The following UBA2 variants were observed in gnomAD, a reference collection of about 807,000 sequenced individuals.
The protein encoded by UBA2 is SUMO-activating enzyme subunit 2.
In UBA2, 11 loss-of-function variants were observed where a neutral mutation model predicts 77.2. The observed-to-expected ratio is 0.14, with a 90% CI of 0.09 to 0.24. The LOEUF (loss-of-function observed/expected upper bound fraction) is 0.24. Among genes scored for constraint, UBA2 ranks in the 10% least tolerant of loss-of-function variants. The probability of loss-of-function intolerance (pLI) is 1.00; values close to 1 mark genes in which losing one functional copy is unlikely to be tolerated. For synonymous variants in UBA2, 278 were observed against 276.7 expected (o/e 1.00, Z -0.05); for missense variants, 487 against 781.7 (o/e 0.62, Z 4.50).
chr19:34,440,996 T>C (rs1278747364), intron 6 of UBA2, among the ~76,000 whole-genome samples: 3 of 151,854 alleles, frequency 2.0e-5, no homozygotes, highest in Admixed American at 6.6e-5. Flanking sequence ...CTTGACCACG[T>C]GTCTATTCAG....
At chr19:34,442,067 A>G (rs969362305) in intron 6 of UBA2, among the ~76,000 whole-genome samples, 64 of 151,950 alleles carry the variant, frequency 4.2e-4, no homozygotes, top group African/African-American at 1.4e-3. Flanking sequence ...AAACCCCATC[A>G]CTACAAAAAA....
chr19:34,449,883 G>A (rs2075473914), intron 8 of UBA2, among the ~76,000 whole-genome samples: 1 of 152,190 alleles, frequency 6.6e-6, no homozygotes, highest in Non-Finnish European at 1.5e-5. Flanking sequence ...CCTAGGCTCA[G>A]TGATTGTCTG....
At chr19:34,442,540 C>G (rs2145513487) in intron 6 of UBA2, among the ~76,000 whole-genome samples, 1 of 152,258 alleles carries the variant, frequency 6.6e-6, no homozygotes, top group South Asian at 2.1e-4. Context: ...TCAAGCGATT[C>G]TCCTGCTCAG....
At chr19:34,428,644 A>C in intron 1 of UBA2, 74 bp downstream of exon 1, 11 of 758,024 alleles carry the variant, frequency 1.5e-5, no homozygotes, top group African/African-American at 2.0e-5. Flanking sequence ...CCGGGGCTCC[A>C]GGGGCTCTGA....
At chr19:34,428,731 G>T in intron 1 of UBA2, 161 bp downstream of exon 1, 2 of 1,153,006 alleles carry the variant, frequency 1.7e-6, no homozygotes, top group Non-Finnish European at 2.2e-6. Context: ...CCCCCCCCGC[G>T]GGAGGAGACT....
At chr19:34,442,344 A>G (rs2075379330) in intron 6 of UBA2, among the ~76,000 whole-genome samples, 1 of 152,242 alleles carries the variant, frequency 6.6e-6, no homozygotes, top group Admixed American at 6.5e-5. Flanking sequence ...CTTACTTGGA[A>G]AATTAAGTAT....
chr19:34,436,282 T>A lies in UBA2; in HGVS notation c.459+1314T>A, dbSNP rs935613288. ...TACCTGTGTGCTCATACCTCAGTTT[T>A]GTTTTGGTTTATTTATTTATTTGTT... On this transcript the variant is annotated intron_variant, in intron 5 of 16. Transcript: ENST00000246548. Among the ~76,000 whole-genome samples, 3 of 150,170 alleles carry A rather than the reference T, an allele frequency of 2.0e-5. No individual in the cohort carries two copies. In the East Asian group the frequency reaches 5.8e-4, roughly 29 times the overall value.
At chr19:34,433,191 G>A in intron 3 of UBA2, 157 bp from the exon 4 acceptor site, 1 of 546,018 alleles carries the variant, frequency 1.8e-6, no homozygotes, top group Non-Finnish European at 3.2e-6. Context: ...ATCTGCTTAT[G>A]TTTGGAAAGA....
chr19:34,451,433 C>CT (rs2046363098), intron 9 of UBA2, among the ~76,000 whole-genome samples: 1 of 151,506 alleles, frequency 6.6e-6, no homozygotes, highest in African/African-American at 2.4e-5. Context: ...GGTGCTGGGC[C>CT]TAATGCTTAT....
chr19:34,431,194 G>A (rs1599884700), intron 2 of UBA2, among the ~76,000 whole-genome samples: 1 of 142,984 alleles, frequency 7.0e-6, no homozygotes, highest in African/African-American at 2.6e-5. Flanking sequence ...AGTCAGGTTG[G>A]TTTTTCTCTC....
chr19:34,430,327 T>C, intron 1 of UBA2: 1 of 359,708 alleles, frequency 2.8e-6, no homozygotes, highest in South Asian at 7.5e-5. Flanking sequence ...TCCAGGATGA[T>C]TAAACAAACA....
chr19:34,452,402 A>G (rs748317475), intron 10 of UBA2, among the ~76,000 whole-genome samples: 2 of 152,224 alleles, frequency 1.3e-5, no homozygotes. Context: ...CTAGAAAAAT[A>G]ACGTGAATAT....
intron 7 of UBA2, 99 bp downstream of exon 7, chr19:34,444,010 T>C: frequency 1.4e-6 from 1 of 691,634 alleles, no homozygotes; most frequent in Non-Finnish European, 2.6e-6. Context: ...CTATATGTGC[T>C]AGGTAATGTG....
At chr19:34,462,994 G>C (rs945391162) in intron 14 of UBA2, among the ~76,000 whole-genome samples, 6 of 152,082 alleles carry the variant, frequency 3.9e-5, no homozygotes, top group Admixed American at 2.6e-4. Context: ...CTATTCGGGA[G>C]GCTAAGGCAG....
At chr19:34,457,955 C>A (rs2075586422) in intron 12 of UBA2, among the ~76,000 whole-genome samples, 1 of 151,884 alleles carries the variant, frequency 6.6e-6, no homozygotes, top group Admixed American at 6.6e-5. Flanking sequence ...CATTTTTTTC[C>A]CTCATTATAT....
chr19:34,456,106 CT>C (rs869130576), intron 12 of UBA2, among the ~76,000 whole-genome samples: 11 of 73,660 alleles, frequency 1.5e-4, no homozygotes, highest in South Asian at 4.1e-4. Context: ...TTTTCTTTTT[CT>C]TTTTTTTTTT....
Position 34,451,058 on chromosome 19 carries a change from C to A in UBA2, c.871+694C>A, listed in dbSNP as rs573952921. Among the ~76,000 whole-genome samples, 235 of 152,096 alleles carry A rather than the reference C, an allele frequency of 1.5e-3. 1 individual carries two copies. The highest frequency in any genetic ancestry group is 2.5e-3 in the Non-Finnish European group (170 of 67,980). Reference sequence around the variant, plus strand: ...CCCAGATTAGAGTGCAGTGGCTGTTCACAGGCTGTCATAGCACAAGGCATC... The same window carrying A: ...CCCAGATTAGAGTGCAGTGGCTGTTAACAGGCTGTCATAGCACAAGGCATC... On this transcript the variant is annotated intron_variant, in intron 9 of 16. Coordinates refer to ENST00000246548, the MANE Select transcript of UBA2 (RefSeq NM_005499.3).
Position 34,466,995 on chromosome 19 carries a change from T to C in UBA2, c.1722T>C (p.Ala574=). ...TAACCAATGGCAGTGATGATGGAGCTCAGCCCTCCACCTCCACAGGTGAGT... is the reference window on the plus strand; with the variant it reads ...TAACCAATGGCAGTGATGATGGAGCCCAGCCCTCCACCTCCACAGGTGAGT... The part of the protein sequence containing the change: ...KSITNGSDDG[A]QPSTSTAQEQ... The change falls in exon 16 of 17, where the codon GCT becomes GCC. Residue 574 remains alanine, a synonymous_variant. Coordinates refer to ENST00000246548, the MANE Select transcript of UBA2 (RefSeq NM_005499.3). The C allele has an allele frequency of 6.2e-7, 1 of 1,614,044 alleles. No homozygotes were observed. The highest frequency in any genetic ancestry group is 8.5e-7 in the Non-Finnish European group (1 of 1,179,950).
At chr19:34,450,422 C>A in intron 9 of UBA2, 58 bp downstream of exon 9, 1 of 1,189,690 alleles carries the variant, frequency 8.4e-7, no homozygotes, top group Non-Finnish European at 1.2e-6. Flanking sequence ...CGCGTAAAGT[C>A]TTTGTATAGC....
Sources: gnomAD v4.1 joint callset for allele counts (sites outside exome capture counted in the v4.1 genomes callset) on GRCh38, gnomAD v4.1.1 for gene constraint, MANE v1.5 for transcripts, NCBI Gene and HGNC (gene_info 2026-07-23, HGNC 2026-07-21) for gene names.